The following STRBP variants were observed in gnomAD, a reference collection of about 807,000 sequenced individuals.
STRBP encodes spermatid perinuclear RNA-binding protein.
A neutral mutation model predicts 80.1 loss-of-function variants in STRBP; 13 were observed. That is an observed-to-expected ratio of 0.16 (90% CI 0.11 to 0.26). STRBP has a LOEUF of 0.26. Among genes scored for constraint, STRBP ranks in the 10% least tolerant of loss-of-function variants. STRBP has a pLI of 1.00. For missense variants in STRBP, 485 were observed against 815.2 expected, an observed-to-expected ratio of 0.59 and a Z score of 4.93; for synonymous variants, 284 against 291.2, an observed-to-expected ratio of 0.98 and a Z score of 0.25.
intron 1 of STRBP, among the ~76,000 whole-genome samples, chr9:123,250,904 A>G (rs1317482561): frequency 6.6e-6 from 1 of 152,214 alleles, no homozygotes; most frequent in East Asian, 1.9e-4. Context: ...GATGGCTTGT[A>G]GCCAAGAGTT....
Position 123,203,592 on chromosome 9 carries a change from C to T in STRBP, c.-164-19294G>A, listed in dbSNP as rs546635405. ...AGCCTTTCCACTTGCTAGTTTGCCCCCAATATCCACATCACCCCTTCTCTC... is the reference window on the plus strand; with the variant it reads ...AGCCTTTCCACTTGCTAGTTTGCCCTCAATATCCACATCACCCCTTCTCTC... On this transcript the variant is annotated intron_variant, in intron 2 of 18. Coordinates refer to ENST00000348403, the MANE Select transcript of STRBP (RefSeq NM_018387.5). Among the ~76,000 whole-genome samples, 4 of 152,206 alleles carry T rather than the reference C, an allele frequency of 2.6e-5. No individual in the cohort carries two copies. In the South Asian group the frequency reaches 8.3e-4, roughly 32 times the overall value.
chr9:123,215,352 C>A (rs1400865267), intron 2 of STRBP, among the ~76,000 whole-genome samples: 1 of 152,184 alleles, frequency 6.6e-6, no homozygotes. Context: ...CCACTGTGCC[C>A]AGCCTGAAGC....
intron 2 of STRBP, among the ~76,000 whole-genome samples, chr9:123,218,033 CAAATT>C (rs2039952248): frequency 6.6e-6 from 1 of 152,156 alleles, no homozygotes; most frequent in Admixed American, 6.6e-5. Context: ...CTAAAGAAAT[CAAATT>C]AAACAATGCC....
intron 6 of STRBP, among the ~76,000 whole-genome samples, chr9:123,164,479 A>G (rs1368540208): frequency 2.0e-5 from 3 of 152,220 alleles, no homozygotes; most frequent in Admixed American, 2.0e-4. Context: ...TTAGAGGTTA[A>G]ATCAGTGACC....
chr9:123,164,296 C>T, intron 6 of STRBP, among the ~76,000 whole-genome samples: 1 of 152,150 alleles, frequency 6.6e-6, no homozygotes, highest in Admixed American at 6.5e-5. Flanking sequence ...ATCTGCCCAC[C>T]TCAGCCTCCC....
chr9:123,226,941 G>A (rs1390232919), intron 2 of STRBP, among the ~76,000 whole-genome samples: 2 of 152,162 alleles, frequency 1.3e-5, no homozygotes, highest in Non-Finnish European at 2.9e-5. Flanking sequence ...GAGCTTTCTT[G>A]CCACGTCATA....
intron 1 of STRBP, among the ~76,000 whole-genome samples, chr9:123,263,524 C>CAA (rs775297049): frequency 0.019 from 1,181 of 63,322 alleles, 32 homozygotes; most frequent in African/African-American, 0.04. Context: ...GACCCTGTCT[C>CAA]AAAAAAAAAA....
chr9:123,179,725 C>A (rs752027716), intron 3 of STRBP, among the ~76,000 whole-genome samples: 32 of 152,182 alleles, frequency 2.1e-4, no homozygotes, highest in Non-Finnish European at 4.3e-4. Flanking sequence ...GCCTGGGCAA[C>A]AGAGTGAACT....
intron 2 of STRBP, among the ~76,000 whole-genome samples, chr9:123,231,934 T>A (rs913091114): frequency 6.6e-6 from 1 of 152,220 alleles, no homozygotes; most frequent in African/African-American, 2.4e-5. Flanking sequence ...AAACACACTA[T>A]GCCATTTCCT....
downstream of STRBP, chr9:123,121,615 TG>T (rs1305099080): frequency 0.027 from 778 of 28,420 alleles, 9 homozygotes; most frequent in African/African-American, 0.055. Flanking sequence ...ATTTTGTTTT[TG>T]TTTTTTTTTT....
Position 123,126,434 on chromosome 9 carries a change from C to A in STRBP, c.1943-761G>T, listed in dbSNP as rs1377424467. ...TTTGCATCACAGTAACATTTAAAAA[C>A]CAAATCTTTTATGTGAAAAATGGGG... is the stretch of plus-strand genomic sequence containing the variant. On this transcript the variant is annotated intron_variant, in intron 18 of 18. Coordinates refer to ENST00000348403, the MANE Select transcript of STRBP (RefSeq NM_018387.5). The surrounding 1 kb of genome is among the most constrained non-coding windows in gnomAD (Gnocchi z 4.4). Among the ~76,000 whole-genome samples, 1 of 152,146 alleles carries A rather than the reference C, an allele frequency of 6.6e-6. No individual in the cohort carries two copies. Among genetic ancestry groups the A allele is most frequent in the East Asian group, 1.9e-4 (1 of 5,204 alleles).
At chr9:123,117,050 G>C (rs538766004), downstream of STRBP, among the ~76,000 whole-genome samples, 2 of 152,292 alleles carry the variant, frequency 1.3e-5, no homozygotes, top group East Asian at 3.9e-4. Context: ...CTCCCTGTCT[G>C]CAAGGTGGGA....
intron 1 of STRBP, among the ~76,000 whole-genome samples, chr9:123,245,327 A>G (rs528482900): frequency 2.6e-5 from 4 of 152,182 alleles, no homozygotes; most frequent in Non-Finnish European, 4.4e-5. Context: ...AGCATCCCAA[A>G]CCAATTAAAT....
intron 2 of STRBP, chr9:123,212,610 G>C (rs779654223): frequency 5.9e-5 from 9 of 152,072 alleles, no homozygotes; most frequent in Non-Finnish European, 1.2e-4. Context: ...AGATGTCCTT[G>C]GCTTTCCCAA....
At chr9:123,228,301 G>A (rs2040302077) in intron 2 of STRBP, among the ~76,000 whole-genome samples, 1 of 152,180 alleles carries the variant, frequency 6.6e-6, no homozygotes, top group Admixed American at 6.5e-5. Flanking sequence ...AAGAGATCTA[G>A]GTTAGAGATA....
chr9:123,139,512 G>A lies in STRBP; in HGVS notation c.1497+17C>T, dbSNP rs778905178. 1 of 1,541,492 alleles carries A rather than the reference G, an allele frequency of 6.5e-7. No individual in the cohort carries two copies. Among genetic ancestry groups the A allele is most frequent in the South Asian group, 1.3e-5 (1 of 78,922 alleles). ...CACATATATGTTATTTTTTTTCTGAGAAAAAAATAAGTATACCTCTAAGGT... is the reference window on the plus strand; with the variant it reads ...CACATATATGTTATTTTTTTTCTGAAAAAAAAATAAGTATACCTCTAAGGT... On this transcript the variant is annotated intron_variant, in intron 14 of 18. Transcript: ENST00000348403.
At chr9:123,253,402 C>A (rs80000016) in intron 1 of STRBP, among the ~76,000 whole-genome samples, 1 of 152,196 alleles carries the variant, frequency 6.6e-6, no homozygotes, top group Non-Finnish European at 1.5e-5. Context: ...ATCCCCTTCC[C>A]TTACACACTG....
chr9:123,252,619 G>A (rs753725897), intron 1 of STRBP, among the ~76,000 whole-genome samples: 7 of 152,136 alleles, frequency 4.6e-5, no homozygotes, highest in African/African-American at 9.7e-5. Context: ...AGATATTAGC[G>A]AAAGTCACAA....
chr9:123,132,617 T>C (rs1301276972), intron 17 of STRBP, among the ~76,000 whole-genome samples: 1 of 152,210 alleles, frequency 6.6e-6, no homozygotes, highest in Non-Finnish European at 1.5e-5. Flanking sequence ...CACAACCAAA[T>C]GCAATTTGCT....
Sources: gnomAD v4.1 joint callset for allele counts (sites outside exome capture counted in the v4.1 genomes callset) on GRCh38, gnomAD v4.1.1 for gene constraint, Gnocchi (gnomAD v3.1) non-coding constraint, MANE v1.5 for transcripts, NCBI Gene and HGNC (gene_info 2026-07-23, HGNC 2026-07-21) for gene names.